HIP1: variants seen among roughly 807,000 people sequenced by gnomAD.
HIP1 encodes the protein huntingtin-interacting protein 1.
A neutral mutation model predicts 147.6 loss-of-function variants in HIP1; 65 were observed. The observed-to-expected ratio is 0.44, with a 90% confidence interval of 0.36 to 0.54. The LOEUF (loss-of-function observed/expected upper bound fraction) is 0.54. HIP1 is among the 20% of genes least tolerant of loss of function. HIP1 has a pLI of 0.00. For synonymous variants in HIP1, 479 were observed against 504.0 expected (o/e 0.95, Z 0.67); for missense variants, 1,061 against 1,299.6 (o/e 0.82, Z 2.82).
In HIP1 at chr7:75,738,881, G is replaced by A; in HGVS notation, c.40C>T (p.Pro14Ser). The A allele has an allele frequency of 6.4e-7, 1 of 1,570,646 alleles. No individual in the cohort carries two copies. The highest frequency in any genetic ancestry group is 2.4e-5 in the East Asian group (1 of 41,532). Reference sequence around the variant, plus strand: ...CGCCGGCTCAGCACCTTGGGCAGTGGGTTGGGCACCTGCTTCATGGAGCTG... The same window carrying A: ...CGCCGGCTCAGCACCTTGGGCAGTGAGTTGGGCACCTGCTTCATGGAGCTG... ...MASSMKQVPN[P>S]LPKVLSRRGV... is the part of the protein sequence containing the mutation. The change falls in exon 1 of 31, where the codon CCA becomes TCA. Residue 14 changes from proline to serine, a missense_variant. Pro to Ser is a moderately conservative substitution (Grantham distance 74). This residue lies in a region of HIP1 where 225 missense variants were observed against 292.9 expected (regional missense o/e 0.77). Coordinates refer to ENST00000336926, the MANE Select transcript of HIP1 (RefSeq NM_005338.7).
At chr7:75,540,738 C>T (rs114398550) in intron 29 of HIP1, among the ~76,000 whole-genome samples, 1,622 of 152,088 alleles carry the variant, frequency 0.011, 28 homozygotes, top group African/African-American at 0.036. Context: ...TAAAGGATCT[C>T]GCTGATACCT....
At chr7:75,543,012 T>C (rs782221007) in intron 27 of HIP1, 38 bp from the exon 28 acceptor site, 4 of 1,587,338 alleles carry the variant, frequency 2.5e-6, no homozygotes, top group South Asian at 1.1e-5. Flanking sequence ...ATACAACACC[T>C]AGAGCAACAA....
intron 1 of HIP1, among the ~76,000 whole-genome samples, chr7:75,698,259 T>C (rs910736384): frequency 2.0e-5 from 3 of 152,096 alleles, no homozygotes; most frequent in Admixed American, 6.6e-5. Context: ...TAGATGCCAG[T>C]CACTGTTGTA....
intron 8 of HIP1, among the ~76,000 whole-genome samples, chr7:75,573,487 C>T (rs1795724464): frequency 6.6e-6 from 1 of 152,226 alleles, no homozygotes; most frequent in Non-Finnish European, 1.5e-5. Context: ...AAAGGCACCA[C>T]TGGCCCCAGA....
intron 1 of HIP1, among the ~76,000 whole-genome samples, chr7:75,643,291 C>T (rs1427674154): frequency 2.0e-5 from 3 of 152,244 alleles, no homozygotes; most frequent in African/African-American, 4.8e-5. Flanking sequence ...AGGGCTGTAA[C>T]GTTTACAAAA....
At chr7:75,736,418 A>G (rs1802022288) in intron 1 of HIP1, among the ~76,000 whole-genome samples, 1 of 151,840 alleles carries the variant, frequency 6.6e-6, no homozygotes, top group Admixed American at 6.6e-5. Context: ...TATTTCATTT[A>G]TTAAAAAAAA....
At chr7:75,634,941 GAAA>G (rs58461422) in intron 1 of HIP1, among the ~76,000 whole-genome samples, 10,423 of 61,048 alleles carry the variant, frequency 0.17, 266 homozygotes, top group Non-Finnish European at 0.23. Context: ...CACTATCTCT[GAAA>G]AAAAAAAAAA....
intron 1 of HIP1, among the ~76,000 whole-genome samples, chr7:75,670,303 A>G (rs1230204932): frequency 3.4e-5 from 5 of 148,042 alleles, no homozygotes; most frequent in African/African-American, 1.2e-4. Context: ...GGCGCACACC[A>G]CCATGCCTGG....
At chr7:75,720,062 C>T (rs553829022) in intron 1 of HIP1, among the ~76,000 whole-genome samples, 4 of 152,264 alleles carry the variant, frequency 2.6e-5, no homozygotes, top group African/African-American at 9.6e-5. Flanking sequence ...TGGTGGAAGA[C>T]GATAGAGACG....
intron 7 of HIP1, 85 bp from the exon 8 acceptor site, chr7:75,573,986 C>T: frequency 8.1e-7 from 1 of 1,235,150 alleles, no homozygotes; most frequent in Non-Finnish European, 1.2e-6. Context: ...AGGGGTCCAA[C>T]ATACACCAAG....
At chr7:75,565,676 C>T (rs1048722893) in intron 9 of HIP1, among the ~76,000 whole-genome samples, 17 of 151,974 alleles carry the variant, frequency 1.1e-4, no homozygotes, top group African/African-American at 4.1e-4. Context: ...CCTCTGTCCT[C>T]CCAACTCTCA....
intron 1 of HIP1, among the ~76,000 whole-genome samples, chr7:75,681,480 C>T: frequency 6.9e-6 from 1 of 144,928 alleles, no homozygotes; most frequent in Admixed American, 7.3e-5. Context: ...ACCCACCCCA[C>T]AGCACCACAG....
chr7:75,737,419 C>A (rs1340697426), intron 1 of HIP1, among the ~76,000 whole-genome samples: 2 of 152,148 alleles, frequency 1.3e-5, no homozygotes, highest in African/African-American at 4.8e-5. Context: ...TCTCGGCTCA[C>A]TGCAACCTTC....
intron 8 of HIP1, among the ~76,000 whole-genome samples, chr7:75,573,242 G>A (rs1795712737): frequency 6.6e-6 from 1 of 152,118 alleles, no homozygotes; most frequent in Admixed American, 6.5e-5. Flanking sequence ...TGAGGCTTCA[G>A]AGACCTGCAG....
intron 1 of HIP1, among the ~76,000 whole-genome samples, chr7:75,634,696 C>A (rs1554509387): frequency 6.6e-6 from 1 of 152,016 alleles, no homozygotes; most frequent in Non-Finnish European, 1.5e-5. Context: ...GATGCTGAGG[C>A]AGGAGGATCA....
intron 1 of HIP1, among the ~76,000 whole-genome samples, chr7:75,682,884 A>G (rs1159125028): frequency 6.6e-6 from 1 of 152,118 alleles, no homozygotes; most frequent in African/African-American, 2.4e-5. Context: ...TCTGCTGGTC[A>G]GCAAGGACAT....
chr7:75,670,771 C>G (rs1554515198), intron 1 of HIP1, among the ~76,000 whole-genome samples: 1 of 138,444 alleles, frequency 7.2e-6, no homozygotes, highest in Non-Finnish European at 1.5e-5. Flanking sequence ...GCTCACTGTA[C>G]TCAGCTAATT....
At chr7:75,616,746 G>A (rs922017272) in intron 1 of HIP1, among the ~76,000 whole-genome samples, 2 of 152,202 alleles carry the variant, frequency 1.3e-5, no homozygotes, top group Non-Finnish European at 2.9e-5. Context: ...TATGAGGGTG[G>A]ATGTCCACAC....
At chr7:75,678,596 G>A (rs782722339) in intron 1 of HIP1, among the ~76,000 whole-genome samples, 9 of 152,044 alleles carry the variant, frequency 5.9e-5, no homozygotes, top group African/African-American at 1.4e-4. Context: ...CACCTGCCTC[G>A]GCCTCCCAAA....
Sources: gnomAD v4.1 joint callset for allele counts (sites outside exome capture counted in the v4.1 genomes callset) on GRCh38, gnomAD v4.1.1 for gene constraint, gnomAD v4.1.1 regional missense constraint, MANE v1.5 for transcripts, NCBI Gene and HGNC (gene_info 2026-07-23, HGNC 2026-07-21) for gene names.